Variants in SPPL2A observed in about 807,000 individuals in gnomAD.
SPPL2A encodes signal peptide peptidase like 2A.
Under a neutral mutation model 63.8 loss-of-function variants are expected in SPPL2A, and 51 were observed. The ratio of observed to expected loss-of-function variants is 0.80; its 90% CI spans 0.64 to 1.01. SPPL2A has a LOEUF of 1.01. Ranked by LOEUF, SPPL2A falls within the 50% of genes least tolerant of loss-of-function variation. The probability of loss-of-function intolerance (pLI) is 0.00; values close to 1 mark genes in which losing one functional copy is unlikely to be tolerated. For synonymous variants in SPPL2A, 188 were observed against 205.8 expected, an observed-to-expected ratio of 0.91 and a Z score of 0.74; for missense variants, 553 against 622.7, an observed-to-expected ratio of 0.89 and a Z score of 1.19.
chr15:50,705,069 G>A lies in SPPL2A; in HGVS notation c.*2731C>T, dbSNP rs12437803. Reference sequence around the variant, plus strand: ...GAGAAATTATCTTATTTTGCCAGGCGCGGTGGCTCATGCCTGCAATCCCAG... The same window carrying A: ...GAGAAATTATCTTATTTTGCCAGGCACGGTGGCTCATGCCTGCAATCCCAG... On this transcript the variant is annotated 3_prime_UTR_variant, in exon 15 of 15. Coordinates refer to ENST00000261854, the MANE Select transcript of SPPL2A (RefSeq NM_032802.4). 25,467 of 151,712 alleles carry A rather than the reference G, an allele frequency of 0.17. 2,697 individuals carry two copies. Among genetic ancestry groups the A allele is most frequent in the East Asian group, 0.46 (2,370 of 5,168 alleles). 9.4% of individuals were successfully genotyped at this position (151,712 alleles called of 1,614,324 possible).
intron 12 of SPPL2A, 99 bp from the exon 13 acceptor site, chr15:50,722,300 G>A (rs763506183): frequency 3.0e-6 from 2 of 674,930 alleles, no homozygotes; most frequent in East Asian, 5.4e-5. Context: ...AATCTTCATT[G>A]TTGCATTATA....
chr15:50,709,257 T>C (rs1255359273), intron 14 of SPPL2A, among the ~76,000 whole-genome samples: 1 of 150,086 alleles, frequency 6.7e-6, no homozygotes. Flanking sequence ...GTGATTAAAT[T>C]TCAGTATTGC....
intron 6 of SPPL2A, 138 bp downstream of exon 6, chr15:50,739,542 T>C: frequency 3.7e-6 from 2 of 537,262 alleles, no homozygotes. Context: ...ACTCTGATAA[T>C]TAAAAAAAAA....
intron 14 of SPPL2A, 38 bp downstream of exon 14, chr15:50,719,902 C>G (rs2141024777): frequency 1.4e-6 from 2 of 1,411,996 alleles, no homozygotes; most frequent in East Asian, 4.9e-5. Flanking sequence ...GTAAATTAAG[C>G]CATAAGATAA....
intron 1 of SPPL2A, among the ~76,000 whole-genome samples, chr15:50,752,807 C>T (rs959973383): frequency 6.6e-6 from 1 of 151,924 alleles, no homozygotes; most frequent in East Asian, 1.9e-4. Flanking sequence ...TGACCTTGTC[C>T]TTTATCTGCT....
At chr15:50,709,360 T>C (rs929469255) in intron 14 of SPPL2A, among the ~76,000 whole-genome samples, 2 of 152,192 alleles carry the variant, frequency 1.3e-5, no homozygotes, top group African/African-American at 2.4e-5. Context: ...TTCTGAAGGC[T>C]TTAGTGTTTT....
chr15:50,721,887 T>G (rs1192524337), intron 13 of SPPL2A, among the ~76,000 whole-genome samples: 2 of 152,138 alleles, frequency 1.3e-5, no homozygotes, highest in Non-Finnish European at 2.9e-5. Context: ...CTTACAGGTG[T>G]GAGCCACTGT....
intron 1 of SPPL2A, among the ~76,000 whole-genome samples, chr15:50,760,685 C>T (rs1213236205): frequency 1.3e-5 from 2 of 152,088 alleles, no homozygotes; most frequent in Admixed American, 6.6e-5. Context: ...TATGGCTTCA[C>T]CATATGAATT....
At chr15:50,714,670 G>A (rs555337385) in intron 14 of SPPL2A, among the ~76,000 whole-genome samples, 58 of 151,282 alleles carry the variant, frequency 3.8e-4, no homozygotes, top group Admixed American at 8.6e-4. Context: ...GGCCGGGCAC[G>A]GTGGCTCATG....
chr15:50,739,884 A>C, intron 5 of SPPL2A, 56 bp from the exon 6 acceptor site: 1 of 1,229,838 alleles, frequency 8.1e-7, no homozygotes. Flanking sequence ...TTATTTAAAA[A>C]ATTTATCTCT....
Position 50,702,911 on chromosome 15 carries a change from T to C in SPPL2A, c.*4889A>G, listed in dbSNP as rs1341019382. 6.6e-6 allele frequency: 1 copy of C among 152,182 alleles called. No individual in the cohort carries two copies. Among genetic ancestry groups the C allele is most frequent in the East Asian group, 1.9e-4 (1 of 5,202 alleles). The allele number at this position is 152,182 out of a possible 1,614,324, so 9.4% of individuals were successfully genotyped here. On this transcript the variant is annotated 3_prime_UTR_variant, in exon 15 of 15. Transcript: ENST00000261854. ...CTATATATTACCCTGTCAATTTTTT[T>C]TCACTCTGAAAATTCAGTAATCTAG... is the stretch of plus-strand genomic sequence containing the variant.
chr15:50,732,672 A>C lies in SPPL2A; in HGVS notation c.945T>G (p.Ile315Met), dbSNP rs1455479482. Residue 315 changes from isoleucine to methionine, a missense_variant, in exon 9 of 15, where the codon ATT (isoleucine) becomes ATG (methionine). By Grantham distance (10) the Ile-to-Met change is conservative (BLOSUM62 1). Transcript: ENST00000261854. ...VFRNEDRWAW[I>M]LQDILGIAFC... is the part of the protein sequence containing the mutation. Reference sequence around the variant, plus strand: ...AAGCAATCCCCAAGATATCCTGTAAAATCCAAGCCCACCTAAAATCAAAAA... The same window carrying C: ...AAGCAATCCCCAAGATATCCTGTAACATCCAAGCCCACCTAAAATCAAAAA... The C allele has an allele frequency of 6.2e-7, 1 of 1,609,550 alleles. No individual in the cohort carries two copies.
chr15:50,734,907 T>C (rs1344853930), intron 8 of SPPL2A, among the ~76,000 whole-genome samples: 1 of 152,118 alleles, frequency 6.6e-6, no homozygotes, highest in Admixed American at 6.6e-5. Context: ...CTCTCTCTTT[T>C]CTTTTTTTGT....
intron 1 of SPPL2A, among the ~76,000 whole-genome samples, chr15:50,750,820 G>A (rs2062899888): frequency 6.6e-6 from 1 of 152,176 alleles, no homozygotes; most frequent in Admixed American, 6.6e-5. Flanking sequence ...CTCGTCCTCT[G>A]AGCAAATCTT....
chr15:50,755,136 G>C (rs182082223), intron 1 of SPPL2A, among the ~76,000 whole-genome samples: 1 of 151,702 alleles, frequency 6.6e-6, no homozygotes, highest in Admixed American at 6.6e-5. Context: ...TGGCTAAGAA[G>C]GTGAAACCCC....
chr15:50,746,362 G>A (rs2062857061), intron 5 of SPPL2A, among the ~76,000 whole-genome samples: 2 of 148,158 alleles, frequency 1.3e-5, no homozygotes, highest in South Asian at 4.3e-4. Context: ...CACTTGAACT[G>A]GAGAGGCGGA....
intron 7 of SPPL2A, among the ~76,000 whole-genome samples, 172 bp from the exon 8 acceptor site, chr15:50,736,374 T>A (rs980933051): frequency 6.6e-6 from 1 of 152,232 alleles, no homozygotes; most frequent in Admixed American, 6.5e-5. Context: ...CAGTCCAATA[T>A]AATTTTCTGT....
rs901805653 is a variant in SPPL2A at position 50,726,367 on chromosome 15, C to T, written c.1100G>A (p.Ser367Asn). ...ITPFITKNGE[S>N]IMVELAAGPF... ...TCCAGCTGCGAGTTCAACCATGATACTCTCACCATTCTAAAATTGAGAAGG... is the reference window on the plus strand; with the variant it reads ...TCCAGCTGCGAGTTCAACCATGATATTCTCACCATTCTAAAATTGAGAAGG... The change falls in exon 11 of 15, where the codon AGT becomes AAT. Residue 367 changes from serine to asparagine, a missense_variant. Ser to Asn is a conservative substitution (Grantham distance 46). Coordinates refer to ENST00000261854, the MANE Select transcript of SPPL2A (RefSeq NM_032802.4). 1 of 1,613,756 alleles carries T rather than the reference C, an allele frequency of 6.2e-7. No individual in the cohort carries two copies. Among genetic ancestry groups the T allele is most frequent in the Admixed American group, 1.7e-5 (1 of 60,014 alleles).
intron 14 of SPPL2A, among the ~76,000 whole-genome samples, chr15:50,718,733 T>C (rs1270067398): frequency 6.6e-6 from 1 of 152,206 alleles, no homozygotes; most frequent in African/African-American, 2.4e-5. Context: ...CATAGTAGTC[T>C]GTAACTTAAT....
Sources: allele counts gnomAD v4.1 joint callset (sites outside exome capture counted in the v4.1 genomes callset), GRCh38; gene constraint gnomAD v4.1.1; transcripts MANE v1.5; gene names NCBI Gene and HGNC (gene_info 2026-07-23, HGNC 2026-07-21).